Variants in PCDH9 observed in about 807,000 individuals in gnomAD.
PCDH9 encodes the protein protocadherin 9.
Under a neutral mutation model 70.6 loss-of-function variants are expected in PCDH9, and 24 were observed. The ratio of observed to expected loss-of-function variants is 0.34; its 90% CI spans 0.25 to 0.48. PCDH9 has a LOEUF of 0.48. Ranked by LOEUF, PCDH9 falls within the 20% of genes least tolerant of loss-of-function variation. The pLI is 0.99. For synonymous variants in PCDH9, 562 were observed against 558.5 expected (o/e 1.01, Z -0.09); for missense variants, 1,281 against 1,503.6 (o/e 0.85, Z 2.45).
intron 2 of PCDH9, among the ~76,000 whole-genome samples, chr13:66,916,145 C>A (rs1188417307): frequency 6.6e-6 from 1 of 151,568 alleles, no homozygotes; most frequent in Non-Finnish European, 1.5e-5. Context: ...TAAAAATTAT[C>A]TGAATTCCCT....
At chr13:67,191,532 G>A (rs1435474694) in intron 2 of PCDH9, among the ~76,000 whole-genome samples, 3 of 151,944 alleles carry the variant, frequency 2.0e-5, no homozygotes, top group South Asian at 2.1e-4. Context: ...TATAAAGTTA[G>A]GAACACATTC....
At chr13:66,610,039 G>C (rs1210059215) in intron 4 of PCDH9, among the ~76,000 whole-genome samples, 1 of 147,252 alleles carries the variant, frequency 6.8e-6, no homozygotes, top group Admixed American at 6.9e-5. Flanking sequence ...CTCACTGCAA[G>C]CTCCGCCTCC....
intron 4 of PCDH9, among the ~76,000 whole-genome samples, chr13:66,539,856 A>C (rs894102021): frequency 1.5e-5 from 2 of 130,326 alleles, no homozygotes; most frequent in East Asian, 4.7e-4. Context: ...TTATTTTTTT[A>C]TTTTCTTTTT....
At chr13:66,627,030 A>C (rs941467529) in intron 4 of PCDH9, among the ~76,000 whole-genome samples, 4 of 151,804 alleles carry the variant, frequency 2.6e-5, no homozygotes, top group African/African-American at 9.7e-5. Context: ...GTTTACAAAA[A>C]TGTCTCCACA....
At chr13:66,746,790 A>C (rs2079371747) in intron 3 of PCDH9, among the ~76,000 whole-genome samples, 1 of 152,184 alleles carries the variant, frequency 6.6e-6, no homozygotes, top group African/African-American at 2.4e-5. Context: ...GAACAAGATT[A>C]AATTTTTTTT....
chr13:66,852,927 T>C (rs1173621854), intron 3 of PCDH9, among the ~76,000 whole-genome samples: 1 of 149,848 alleles, frequency 6.7e-6, no homozygotes, highest in Non-Finnish European at 1.5e-5. Flanking sequence ...CCTTAGGTGA[T>C]TTTTATTTAC....
At chr13:66,368,575 A>G (rs1452627284) in intron 4 of PCDH9, among the ~76,000 whole-genome samples, 2 of 144,610 alleles carry the variant, frequency 1.4e-5, no homozygotes, top group East Asian at 1.9e-4. Context: ...ATATTCGTGT[A>G]TATATATATA....
intron 4 of PCDH9, among the ~76,000 whole-genome samples, chr13:66,605,476 A>T (rs182702147): frequency 8.4e-4 from 128 of 152,236 alleles, no homozygotes; most frequent in African/African-American, 2.8e-3. Flanking sequence ...GAAAAGAGCA[A>T]AGGCAAACAT....
intron 4 of PCDH9, among the ~76,000 whole-genome samples, chr13:66,542,429 T>C (rs1266072440): frequency 6.6e-6 from 1 of 151,930 alleles, no homozygotes; most frequent in Non-Finnish European, 1.5e-5. Flanking sequence ...CCCTCACTAA[T>C]GTGGGTGTGC....
chr13:66,306,241 C>T (rs182436604), intron 4 of PCDH9: 166 of 151,678 alleles, frequency 1.1e-3, no homozygotes, highest in African/African-American at 3.8e-3. Context: ...TTGCTAAAAC[C>T]AAAGTTAGCA....
At chr13:66,904,912 T>C (rs552971941) in intron 2 of PCDH9, among the ~76,000 whole-genome samples, 2 of 152,144 alleles carry the variant, frequency 1.3e-5, no homozygotes, top group Admixed American at 1.3e-4. Context: ...TATCCATCAC[T>C]ATAAGCCTTT....
rs549751007 is a variant in PCDH9 at position 66,365,525 on chromosome 13, C to T, written c.3341-60497G>A. Among the ~76,000 whole-genome samples, 14 of 152,266 alleles carry T rather than the reference C, an allele frequency of 9.2e-5. No homozygotes were observed. In the East Asian group the frequency reaches 2.7e-3, roughly 29 times the overall value. ...GCACATCTCATCAGATGAGGTATTA[C>T]TTTAATTGATTCAAATGTGTGACTG... On this transcript the variant is annotated intron_variant, in intron 4 of 4. Transcript: ENST00000377865.
chr13:66,739,397 A>G (rs369562301), intron 3 of PCDH9, among the ~76,000 whole-genome samples: 2 of 150,990 alleles, frequency 1.3e-5, no homozygotes, highest in Non-Finnish European at 3.0e-5. Context: ...ATGCCAAAAT[A>G]TAAAGACCAT....
intron 3 of PCDH9, among the ~76,000 whole-genome samples, chr13:66,774,045 TGGGATTACAGGTATGAGCCACC>T (rs2079852346): frequency 6.6e-6 from 1 of 152,174 alleles, no homozygotes; most frequent in African/African-American, 2.4e-5. Context: ...CCCAAACTGC[TGGGATTACAGGTATGAGCCACC>T]GCACCCAGCC....
intron 4 of PCDH9, among the ~76,000 whole-genome samples, chr13:66,388,298 A>G (rs759917474): frequency 1.4e-4 from 21 of 152,178 alleles, no homozygotes; most frequent in Non-Finnish European, 2.4e-4. Context: ...ACTCACTGGA[A>G]ATAGAATTCG....
intron 4 of PCDH9, among the ~76,000 whole-genome samples, chr13:66,493,127 ATT>A (rs1336378848): frequency 6.6e-6 from 1 of 152,234 alleles, no homozygotes; most frequent in Admixed American, 6.5e-5. Context: ...AATGCAAAAT[ATT>A]CAGAAGAAAA....
chr13:66,976,421 C>A (rs1301329113), intron 2 of PCDH9, among the ~76,000 whole-genome samples: 1 of 152,006 alleles, frequency 6.6e-6, no homozygotes, highest in African/African-American at 2.4e-5. Flanking sequence ...ATTATCTGAG[C>A]CCTTTGGGTG....
intron 2 of PCDH9, among the ~76,000 whole-genome samples, chr13:67,021,071 A>G (rs757932559): frequency 6.6e-6 from 1 of 152,228 alleles, no homozygotes; most frequent in Non-Finnish European, 1.5e-5. Flanking sequence ...GAGAAATAAA[A>G]GAAGCATATT....
chr13:67,204,032 T>C (rs2089281117), intron 2 of PCDH9: 1 of 152,068 alleles, frequency 6.6e-6, no homozygotes, highest in African/African-American at 2.4e-5. Context: ...AAAAAATATT[T>C]TCCCCTCAGA....
Sources: allele counts gnomAD v4.1 joint callset (sites outside exome capture counted in the v4.1 genomes callset), GRCh38; gene constraint gnomAD v4.1.1; transcripts MANE v1.5; gene names NCBI Gene and HGNC (gene_info 2026-07-23, HGNC 2026-07-21).